Variants in SLC41A3 observed in about 807,000 individuals in gnomAD.
The protein encoded by SLC41A3 is solute carrier family 41 member 3.
A neutral mutation model predicts 45.4 loss-of-function variants in SLC41A3; 44 were observed. The ratio of observed to expected loss-of-function variants is 0.97; its 90% CI spans 0.76 to 1.25. The LOEUF (loss-of-function observed/expected upper bound fraction) is 1.25. Ranked by LOEUF, SLC41A3 falls within the 50% of genes most tolerant of loss-of-function variation. The probability of loss-of-function intolerance (pLI) is 0.00; values close to 1 mark genes in which losing one functional copy is unlikely to be tolerated. For synonymous variants in SLC41A3, 256 were observed against 252.4 expected, an observed-to-expected ratio of 1.01 and a Z score of -0.13; for missense variants, 550 against 600.6, an observed-to-expected ratio of 0.92 and a Z score of 0.88.
chr3:126,015,754 C>T lies in SLC41A3; in HGVS notation c.891-181G>A, dbSNP rs575038269. ...TCCCCAGCATCCTTTGCACCCTGCT[C>T]ATGCTTTTCCATCTCCACTTTGAGC... On this transcript the variant is annotated intron_variant, in intron 7 of 10. Transcript: ENST00000360370. Among the ~76,000 whole-genome samples the T allele has an allele frequency of 2.0e-5, 3 of 152,342 alleles. No homozygotes were observed. The East Asian group carries it at 5.8e-4, about 29-fold the overall frequency.
chr3:126,027,139 C>G (rs1312529325), intron 4 of SLC41A3, among the ~76,000 whole-genome samples: 1 of 152,302 alleles, frequency 6.6e-6, no homozygotes, highest in East Asian at 1.9e-4. Flanking sequence ...TGGTTTGGCT[C>G]TGTAGCCCCA....
chr3:126,050,583 G>T (rs550112744), intron 3 of SLC41A3, among the ~76,000 whole-genome samples: 1 of 152,316 alleles, frequency 6.6e-6, no homozygotes, highest in South Asian at 2.1e-4. Context: ...CATCAGGTCT[G>T]CATTGCTTGT....
intron 2 of SLC41A3, among the ~76,000 whole-genome samples, chr3:126,056,154 G>A (rs1405519995): frequency 1.3e-5 from 2 of 152,130 alleles, no homozygotes; most frequent in Admixed American, 6.5e-5. Context: ...ATCATTCTGC[G>A]AATCTCTAAT....
At chr3:126,027,236 T>TTTA (rs1320470492) in intron 4 of SLC41A3, among the ~76,000 whole-genome samples, 1 of 151,824 alleles carries the variant, frequency 6.6e-6, no homozygotes, top group Admixed American at 6.6e-5. Context: ...TTTCTCATGG[T>TTTA]TTAACATCAC....
At chr3:126,056,346 C>T (rs759195698) in intron 2 of SLC41A3, 4 of 1,613,022 alleles carry the variant, frequency 2.5e-6, no homozygotes, top group Non-Finnish European at 3.4e-6. Context: ...CCCCCAAACA[C>T]CCAGTACGCA....
chr3:126,088,046 G>T (rs1331063689), upstream of SLC41A3, among the ~76,000 whole-genome samples: 1 of 151,926 alleles, frequency 6.6e-6, no homozygotes, highest in Non-Finnish European at 1.5e-5. Flanking sequence ...CTTTTGAAAT[G>T]GCCTTAGATA....
chr3:126,101,072 G>A (rs568155969), intron 1 of SLC41A3, among the ~76,000 whole-genome samples: 14 of 152,336 alleles, frequency 9.2e-5, no homozygotes, highest in African/African-American at 3.1e-4. Flanking sequence ...TTCCTCCATC[G>A]CGGGCAGCCG....
At chr3:126,056,560 C>A (rs1414483943) in intron 2 of SLC41A3, 1 of 1,611,766 alleles carries the variant, frequency 6.2e-7, no homozygotes, top group Non-Finnish European at 8.5e-7. Flanking sequence ...CATGGCCAGG[C>A]AATGCACCAC....
intron 3 of SLC41A3, among the ~76,000 whole-genome samples, chr3:126,035,329 C>T (rs747848782): frequency 2.6e-5 from 4 of 152,090 alleles, no homozygotes; most frequent in African/African-American, 9.7e-5. Context: ...CTGAACACTA[C>T]GTTTCCCAGG....
chr3:126,074,909 C>A (rs112589106), intron 1 of SLC41A3, among the ~76,000 whole-genome samples: 11,966 of 151,346 alleles, frequency 0.079, 458 homozygotes, highest in African/African-American at 0.13. Context: ...AACTCCTGAG[C>A]TCAGGTGATC....
chr3:126,015,632 A>G, intron 7 of SLC41A3, 59 bp from the exon 8 acceptor site: 1 of 1,509,400 alleles, frequency 6.6e-7, no homozygotes, highest in Non-Finnish European at 9.2e-7. Flanking sequence ...GTGGCCCTGC[A>G]ACTCTCCACA....
At chr3:126,020,316 C>G (rs1940727566) in intron 6 of SLC41A3, among the ~76,000 whole-genome samples, 1 of 152,050 alleles carries the variant, frequency 6.6e-6, no homozygotes, top group East Asian at 1.9e-4. Context: ...GAGGGGGGGC[C>G]TCAAAAAATC....
chr3:126,031,248 T>C (rs1024593882), intron 4 of SLC41A3, among the ~76,000 whole-genome samples: 17 of 152,210 alleles, frequency 1.1e-4, no homozygotes, highest in Non-Finnish European at 2.5e-4. Context: ...TAGGGCTAAT[T>C]ATTTAATACT....
At chr3:126,101,169 A>C (rs995970545) in intron 1 of SLC41A3, among the ~76,000 whole-genome samples, 1 of 152,174 alleles carries the variant, frequency 6.6e-6, no homozygotes, top group African/African-American at 2.4e-5. Context: ...GTCTGCTTCC[A>C]GCCAGCCCGG....
At chr3:126,068,777 C>G (rs1944476714) in intron 1 of SLC41A3, among the ~76,000 whole-genome samples, 2 of 152,150 alleles carry the variant, frequency 1.3e-5, no homozygotes, top group African/African-American at 4.8e-5. Context: ...GCCTGAAGGG[C>G]ATGACAAGGC....
chr3:126,056,802 C>A, intron 2 of SLC41A3: 1 of 1,309,752 alleles, frequency 7.6e-7, no homozygotes, highest in Non-Finnish European at 9.7e-7. Context: ...CCAGGCCCTG[C>A]TGTCCCTCCC....
At chr3:126,021,944 T>C (rs977755600) in intron 6 of SLC41A3, among the ~76,000 whole-genome samples, 3 of 152,206 alleles carry the variant, frequency 2.0e-5, no homozygotes, top group African/African-American at 4.8e-5. Flanking sequence ...TATCACAAAT[T>C]CCAGGTACAT....
intron 1 of SLC41A3, among the ~76,000 whole-genome samples, chr3:126,093,876 T>G (rs974243854): frequency 6.6e-6 from 1 of 152,128 alleles, no homozygotes; most frequent in African/African-American, 2.4e-5. Flanking sequence ...GGAAAGAAAT[T>G]TAAAGATTTG....
upstream of SLC41A3, among the ~76,000 whole-genome samples, chr3:126,089,299 GAA>G (rs1945447810): frequency 3.9e-5 from 6 of 152,116 alleles, no homozygotes; most frequent in Admixed American, 3.9e-4. Flanking sequence ...TTTTTCACCA[GAA>G]AAGGTAAAAT....
Sources: allele counts gnomAD v4.1 joint callset (sites outside exome capture counted in the v4.1 genomes callset), GRCh38; gene constraint gnomAD v4.1.1; transcripts MANE v1.5; gene names NCBI Gene and HGNC (gene_info 2026-07-23, HGNC 2026-07-21).